Variants in ZCCHC4 observed in about 807,000 individuals in gnomAD.
The protein encoded by ZCCHC4 is rRNA N(6)-adenosine-methyltransferase ZCCHC4.
Under a neutral mutation model 67.7 loss-of-function variants are expected in ZCCHC4, and 54 were observed. That is an observed-to-expected ratio of 0.80 (90% confidence interval 0.64 to 1.00). The LOEUF is 1.00. Ranked by LOEUF, ZCCHC4 falls within the 50% of genes least tolerant of loss-of-function variation. ZCCHC4 has a pLI of 0.00. For missense variants in ZCCHC4, 609 were observed against 617.0 expected (o/e 0.99, Z 0.14); for synonymous variants, 198 against 213.5 (o/e 0.93, Z 0.63).
chr4:25,364,416 A>G, intron 10 of ZCCHC4, 38 bp from the exon 11 acceptor site: 1 of 1,397,706 alleles, frequency 7.2e-7, no homozygotes, highest in Non-Finnish European at 9.5e-7. Context: ...TTAATAACAA[A>G]TTAATTATAA....
At chr4:25,331,763 C>G (rs1214814274) in intron 3 of ZCCHC4, among the ~76,000 whole-genome samples, 1 of 152,112 alleles carries the variant, frequency 6.6e-6, no homozygotes, top group African/African-American at 2.4e-5. Context: ...CTTCTAATAT[C>G]CCTCTATCTC....
intron 5 of ZCCHC4, among the ~76,000 whole-genome samples, chr4:25,339,034 C>G (rs1719604623): frequency 6.6e-6 from 1 of 152,162 alleles, no homozygotes; most frequent in Non-Finnish European, 1.5e-5. Flanking sequence ...TTTGGTTTCT[C>G]CTGAGGCCTC....
chr4:25,322,485 T>A (rs532765025), intron 3 of ZCCHC4, among the ~76,000 whole-genome samples: 1 of 152,262 alleles, frequency 6.6e-6, no homozygotes, highest in Non-Finnish European at 1.5e-5. Flanking sequence ...ATAAAAGACT[T>A]CTGTTTAAAA....
intron 8 of ZCCHC4, among the ~76,000 whole-genome samples, chr4:25,356,017 G>C (rs1043204131): frequency 9.9e-5 from 15 of 152,052 alleles, no homozygotes; most frequent in African/African-American, 2.9e-4. Context: ...AACATAGTAG[G>C]CACAAAATAA....
intron 5 of ZCCHC4, among the ~76,000 whole-genome samples, chr4:25,334,856 TAGAC>T (rs1344473293): frequency 2.6e-5 from 4 of 152,002 alleles, no homozygotes; most frequent in East Asian, 1.9e-4. Context: ...TTTTTCCTCT[TAGAC>T]AGGGTCTCGC....
chr4:25,315,401 G>T lies in ZCCHC4; in HGVS notation c.329+1G>T. ...TGTCCCGAACGCAGTGTGTGGAAAG[G>T]TACTGATGCAGTGTCATTTTTCTTT... On this transcript the variant is annotated splice_donor_variant, in intron 3 of 12. Coordinates refer to ENST00000302874, the MANE Select transcript of ZCCHC4 (RefSeq NM_024936.3). LOFTEE classifies it high-confidence loss of function. The T allele has an allele frequency of 6.3e-7, 1 of 1,590,960 alleles. No homozygotes were observed. Among genetic ancestry groups the T allele is most frequent in the Non-Finnish European group, 8.5e-7 (1 of 1,169,674 alleles).
intron 3 of ZCCHC4, among the ~76,000 whole-genome samples, chr4:25,318,594 G>T (rs1184472637): frequency 6.6e-6 from 1 of 151,400 alleles, no homozygotes; most frequent in Non-Finnish European, 1.5e-5. Flanking sequence ...ACCTCCGGTG[G>T]TCTGCCCATC....
chr4:25,313,569 A>C (rs1159424426), intron 1 of ZCCHC4, among the ~76,000 whole-genome samples: 1 of 152,224 alleles, frequency 6.6e-6, no homozygotes, highest in Non-Finnish European at 1.5e-5. Flanking sequence ...AACAGAGAGA[A>C]AAGAAACATT....
intron 5 of ZCCHC4, among the ~76,000 whole-genome samples, chr4:25,342,765 G>A (rs1200784923): frequency 6.6e-6 from 1 of 152,052 alleles, no homozygotes; most frequent in East Asian, 1.9e-4. Flanking sequence ...CATTTTAAGA[G>A]GGCAATGTTG....
At chr4:25,352,617 T>C (rs1720354767) in intron 8 of ZCCHC4, 1 of 160,166 alleles carries the variant, frequency 6.2e-6, no homozygotes, top group African/African-American at 2.4e-5. Context: ...GGTTTTGCCA[T>C]GTTGGCCAGG....
At chr4:25,364,410 T>A in intron 10 of ZCCHC4, 44 bp from the exon 11 acceptor site, 1 of 1,363,788 alleles carries the variant, frequency 7.3e-7, no homozygotes. Context: ...TGATTTTTAA[T>A]AACAAATTAA....
At chr4:25,334,950 A>T (rs1016218594) in intron 5 of ZCCHC4, among the ~76,000 whole-genome samples, 1 of 151,890 alleles carries the variant, frequency 6.6e-6, no homozygotes, top group Non-Finnish European at 1.5e-5. Flanking sequence ...CGATCCTCTA[A>T]CCTCAGTCCC....
chr4:25,352,712 G>T (rs923884177), intron 8 of ZCCHC4, among the ~76,000 whole-genome samples: 2 of 152,226 alleles, frequency 1.3e-5, no homozygotes, highest in African/African-American at 4.8e-5. Flanking sequence ...ATTGCACCCA[G>T]CCTGCTTCCT....
At chr4:25,362,777 T>C (rs1478007098) in intron 10 of ZCCHC4, among the ~76,000 whole-genome samples, 2 of 152,238 alleles carry the variant, frequency 1.3e-5, no homozygotes, top group Non-Finnish European at 2.9e-5. Context: ...ACTCATTGAT[T>C]TTTTACAGAT....
At chr4:25,353,303 T>C (rs1168314804) in intron 8 of ZCCHC4, among the ~76,000 whole-genome samples, 2 of 152,232 alleles carry the variant, frequency 1.3e-5, no homozygotes, top group African/African-American at 2.4e-5. Flanking sequence ...TTTTTATGGC[T>C]ATTAAGTAGC....
intron 7 of ZCCHC4, among the ~76,000 whole-genome samples, chr4:25,351,290 C>G (rs1329055884): frequency 2.0e-5 from 3 of 152,104 alleles, no homozygotes; most frequent in Non-Finnish European, 4.4e-5. Flanking sequence ...AAGTGGCACT[C>G]CTTTTCTATT....
chr4:25,329,523 T>C (rs1313455963), intron 3 of ZCCHC4, among the ~76,000 whole-genome samples: 1 of 146,590 alleles, frequency 6.8e-6, no homozygotes, highest in Non-Finnish European at 1.5e-5. Flanking sequence ...TTTCGTCTTT[T>C]TATATTTTCC....
chr4:25,352,831 G>T (rs1249721483), intron 8 of ZCCHC4, among the ~76,000 whole-genome samples: 1 of 152,146 alleles, frequency 6.6e-6, no homozygotes, highest in African/African-American at 2.4e-5. Flanking sequence ...GCTAGCACTT[G>T]GTTCTAATCT....
Position 25,351,676 on chromosome 4 carries a change from T to G in ZCCHC4, c.998T>G (p.Met333Arg). The change falls in exon 8 of 13, where the codon ATG becomes AGG. Residue 333 changes from methionine to arginine, a missense_variant. By Grantham distance (91) the Met-to-Arg change is moderately conservative (BLOSUM62 -1). Coordinates refer to ENST00000302874, the MANE Select transcript of ZCCHC4 (RefSeq NM_024936.3). ...TGTCAGTTTTTTCCAAGCTTCCAGA[T>G]GCTGGATTACCAGGTAGAGTACATA... ...RICQFFPSFQMLDYQVDYDNH... is the reference protein window; with the variant it reads ...RICQFFPSFQRLDYQVDYDNH... 6.2e-7 allele frequency: 1 copy of G among 1,610,850 alleles called. No homozygotes were observed. Among genetic ancestry groups the G allele is most frequent in the Non-Finnish European group, 8.5e-7 (1 of 1,178,194 alleles).
Sources: allele counts gnomAD v4.1 joint callset (sites outside exome capture counted in the v4.1 genomes callset), GRCh38; gene constraint gnomAD v4.1.1; transcripts MANE v1.5; gene names NCBI Gene and HGNC (gene_info 2026-07-23, HGNC 2026-07-21).